The following PDE1A variants were observed in gnomAD, a reference collection of about 807,000 sequenced individuals.
The protein encoded by PDE1A is dual specificity calcium/calmodulin-dependent 3',5'-cyclic nucleotide phosphodiesterase 1A.
PDE1A carries 35 observed loss-of-function variants against 61.7 expected under a neutral mutation model. The ratio of observed to expected loss-of-function variants is 0.57; its 90% CI spans 0.43 to 0.75. The LOEUF is 0.75. Among genes scored for constraint, PDE1A ranks in the 30% least tolerant of loss-of-function variants. PDE1A has a pLI of 0.00. For missense variants in PDE1A, 597 were observed against 630.6 expected, an observed-to-expected ratio of 0.95 and a Z score of 0.57; for synonymous variants, 232 against 213.2, an observed-to-expected ratio of 1.09 and a Z score of -0.77.
chr2:182,433,671 T>C (rs1355179557), intron 2 of PDE1A, among the ~76,000 whole-genome samples: 1 of 152,058 alleles, frequency 6.6e-6, no homozygotes, highest in East Asian at 1.9e-4. Context: ...ATTATCACTA[T>C]ATATGATGAA....
the PDE1A span, among the ~76,000 whole-genome samples, chr2:182,550,796 G>C: frequency 7.6e-4 from 116 of 152,230 alleles, no homozygotes; most frequent in African/African-American, 2.7e-3. Flanking sequence ...TTGTGGTTCC[G>C]CTATCCTGTA....
At chr2:182,614,137 A>G in the PDE1A span, among the ~76,000 whole-genome samples, 3 of 152,234 alleles carry the variant, frequency 2.0e-5, no homozygotes, top group East Asian at 1.9e-4. Context: ...TTATTTTCCA[A>G]TGGCTACCAA....
intron 1 of PDE1A, among the ~76,000 whole-genome samples, chr2:182,314,033 T>C (rs896606293): frequency 3.3e-5 from 5 of 152,196 alleles, no homozygotes; most frequent in Admixed American, 2.0e-4. Flanking sequence ...CATTTCTAGA[T>C]AGTTACCCAA....
intron 1 of PDE1A, among the ~76,000 whole-genome samples, chr2:182,265,069 G>C (rs1271191083): frequency 6.6e-6 from 1 of 151,358 alleles, no homozygotes; most frequent in Non-Finnish European, 1.5e-5. Context: ...GAATGCAAAG[G>C]CATCTGAATA....
chr2:182,327,622 C>T (rs111993402), intron 1 of PDE1A, among the ~76,000 whole-genome samples: 1,693 of 152,252 alleles, frequency 0.011, 24 homozygotes, highest in South Asian at 0.069. Context: ...AATCTGCTAA[C>T]AGTTTTTATA....
At chr2:182,431,913 A>G (rs1703971009), upstream of PDE1A, among the ~76,000 whole-genome samples, 1 of 152,086 alleles carries the variant, frequency 6.6e-6, no homozygotes, top group African/African-American at 2.4e-5. Flanking sequence ...AACATTGCCA[A>G]TTATGTTCCC....
chr2:182,695,102 AT>A, the PDE1A span, among the ~76,000 whole-genome samples: 4 of 152,102 alleles, frequency 2.6e-5, no homozygotes, highest in African/African-American at 9.7e-5. Context: ...TGAAAGGCAT[AT>A]TTTAAATTTT....
At chr2:182,386,539 G>A (rs576197704) in intron 1 of PDE1A, among the ~76,000 whole-genome samples, 34 of 138,740 alleles carry the variant, frequency 2.5e-4, no homozygotes, top group African/African-American at 6.3e-4. Flanking sequence ...CGGCCGCTCC[G>A]TCCAAGAAGT....
At chr2:182,279,411 G>A (rs1693656385) in intron 1 of PDE1A, among the ~76,000 whole-genome samples, 1 of 143,574 alleles carries the variant, frequency 7.0e-6, no homozygotes, top group Admixed American at 7.4e-5. Flanking sequence ...TTTGGTTACT[G>A]GTAAGAGCAA....
chr2:182,672,585 G>T, the PDE1A span, among the ~76,000 whole-genome samples: 1 of 152,200 alleles, frequency 6.6e-6, no homozygotes, highest in East Asian at 1.9e-4. Flanking sequence ...AGTGTGTTTT[G>T]TTTAACTTTT....
chr2:182,385,840 C>T lies in PDE1A; in HGVS notation c.53+40738G>A, dbSNP rs571650094. 2.3e-3 allele frequency among the ~76,000 whole-genome samples: 304 copies of T among 134,038 alleles called. 2 individuals carry two copies. The highest frequency in any genetic ancestry group is 8.2e-3 in the African/African-American group (289 of 35,270). The allele number at this position is 134,038 out of a possible 152,430, so 87.9% of individuals were successfully genotyped here. ...CCTCTCCCTCCTCTCCCTCTCCCTC[C>T]TCTCCCTCTCCCTCCTCTCCCTCTC... is the stretch of plus-strand genomic sequence containing the variant. On this transcript the variant is annotated intron_variant, in intron 1 of 13. Transcript: ENST00000351439.
chr2:182,569,135 C>T, the PDE1A span, among the ~76,000 whole-genome samples: 1 of 151,618 alleles, frequency 6.6e-6, no homozygotes, highest in Admixed American at 6.6e-5. Flanking sequence ...TGCCTGTAGT[C>T]CCAGCTACTT....
chr2:182,691,339 C>T, the PDE1A span, among the ~76,000 whole-genome samples: 1 of 152,104 alleles, frequency 6.6e-6, no homozygotes, highest in East Asian at 1.9e-4. Flanking sequence ...GAGATATAGA[C>T]CAATGGAACA....
chr2:182,416,224 G>A (rs866215928), intron 1 of PDE1A, among the ~76,000 whole-genome samples: 29 of 152,158 alleles, frequency 1.9e-4, no homozygotes, highest in Admixed American at 5.2e-4. Context: ...GGCATTATTC[G>A]TAGATGTTTA....
chr2:182,204,431 G>A (rs760504408), intron 8 of PDE1A, among the ~76,000 whole-genome samples: 1 of 152,154 alleles, frequency 6.6e-6, no homozygotes, highest in Non-Finnish European at 1.5e-5. Context: ...GGGACCACTC[G>A]TACACATATT....
chr2:182,257,321 A>G (rs1202845809), intron 2 of PDE1A, among the ~76,000 whole-genome samples: 1 of 152,242 alleles, frequency 6.6e-6, no homozygotes, highest in Non-Finnish European at 1.5e-5. Context: ...TTAAACCTTA[A>G]TAGTTGAAAG....
At chr2:182,603,432 C>T in the PDE1A span, among the ~76,000 whole-genome samples, 10 of 152,142 alleles carry the variant, frequency 6.6e-5, no homozygotes, top group Admixed American at 6.5e-4. Flanking sequence ...CTGTAACCAC[C>T]ACCTCCCAGG....
intron 1 of PDE1A, among the ~76,000 whole-genome samples, chr2:182,400,181 G>T (rs1459572806): frequency 6.6e-6 from 1 of 151,982 alleles, no homozygotes; most frequent in Non-Finnish European, 1.5e-5. Flanking sequence ...CTGAACAAAT[G>T]TCTATTGGGT....
At chr2:182,212,226 G>A (rs1412333809) in intron 7 of PDE1A, among the ~76,000 whole-genome samples, 1 of 145,296 alleles carries the variant, frequency 6.9e-6, no homozygotes, top group Non-Finnish European at 1.5e-5. Flanking sequence ...ATAATGTCTT[G>A]AAACATATAT....
Sources: gnomAD v4.1 joint callset for allele counts (sites outside exome capture counted in the v4.1 genomes callset) on GRCh38, gnomAD v4.1.1 for gene constraint, MANE v1.5 for transcripts, NCBI Gene and HGNC (gene_info 2026-07-23, HGNC 2026-07-21) for gene names.